Variants in TOP2A observed in about 807,000 individuals in gnomAD.
The protein encoded by TOP2A is DNA topoisomerase II alpha, also known as DNA topoisomerase 2-alpha.
TOP2A carries 68 observed loss-of-function variants against 187.2 expected under a neutral mutation model. That is an observed-to-expected ratio of 0.36 (90% CI 0.30 to 0.44). The LOEUF (loss-of-function observed/expected upper bound fraction) is 0.44, where lower values mean the gene tolerates loss of function less well. Ranked by LOEUF, TOP2A falls within the 20% of genes least tolerant of loss-of-function variation. The pLI is 1.00. For missense variants in TOP2A, 1,196 were observed against 1,808.7 expected (o/e 0.66, Z 6.14); for synonymous variants, 542 against 593.2 (o/e 0.91, Z 1.25).
chr17:40,396,565 A>G, intron 27 of TOP2A, 100 bp from the exon 28 acceptor site: 1 of 1,424,298 alleles, frequency 7.0e-7, no homozygotes, highest in South Asian at 1.4e-5. Context: ...TTACATCTTA[A>G]AAACTAGTGA....
At chr17:40,400,685 C>A (rs2143648460) in intron 21 of TOP2A, 22 bp from the exon 22 acceptor site, 2 of 1,583,262 alleles carry the variant, frequency 1.3e-6, no homozygotes, top group Non-Finnish European at 8.6e-7. Context: ...TTTAAAAAAA[C>A]AGTATGTTTT....
chr17:40,414,456 C>G (rs2035365181), intron 4 of TOP2A, among the ~76,000 whole-genome samples: 1 of 152,178 alleles, frequency 6.6e-6, no homozygotes, highest in South Asian at 2.1e-4. Context: ...CCCACCTTGG[C>G]CTCCCAAAGT....
chr17:40,413,655 T>C, intron 4 of TOP2A, 30 bp from the exon 5 acceptor site: 1 of 1,081,794 alleles, frequency 9.2e-7, no homozygotes, highest in Non-Finnish European at 1.3e-6. Flanking sequence ...AATTGTATTT[T>C]ACAACACATT....
chr17:40,395,712 A>G (rs2035087883), intron 28 of TOP2A, among the ~76,000 whole-genome samples, 173 bp from the exon 29 acceptor site: 1 of 152,098 alleles, frequency 6.6e-6, no homozygotes, highest in Non-Finnish European at 1.5e-5. Context: ...CCTGGCCAAG[A>G]TGGTGAAACC....
In TOP2A at chr17:40,391,545, G is replaced by C. The variant is rs1221384744; in HGVS notation, c.4228C>G (p.Pro1410Ala). Residue 1410 changes from proline to alanine, a missense_variant, in exon 33 of 35, where the codon CCT (proline) becomes GCT (alanine). Physicochemically the swap from Pro to Ala is conservative, Grantham distance 27. This residue lies in a region of TOP2A where 374 missense variants were observed against 403.3 expected (regional missense o/e 0.93). Transcript: ENST00000423485. Reference sequence around the variant, plus strand: ...TTCTTCACTGTCACATTCTTTTTAGGAACTGGGTTTGTAATTTCAGTTTCA... The same window carrying C: ...TTCTTCACTGTCACATTCTTTTTAGCAACTGGGTTTGTAATTTCAGTTTCA... ...PDETEITNPV[P>A]KKNVTVKKTA... The C allele has an allele frequency of 1.2e-6, 2 of 1,613,256 alleles. No homozygotes were observed. Among genetic ancestry groups the C allele is most frequent in the South Asian group, 2.2e-5 (2 of 90,868 alleles).
At chr17:40,414,087 G>A (rs191157937) in intron 4 of TOP2A, among the ~76,000 whole-genome samples, 2 of 152,224 alleles carry the variant, frequency 1.3e-5, no homozygotes, top group Admixed American at 1.3e-4. Flanking sequence ...CACCTGAATA[G>A]ACACTGATAA....
rs80089498 is a variant in TOP2A, at chr17:40,399,020, A to G, written c.3288+20T>C. The G allele has an allele frequency of 6.3e-7, 1 of 1,592,106 alleles. No homozygotes were observed. The highest frequency in any genetic ancestry group is 8.6e-7 in the Non-Finnish European group (1 of 1,167,408). On this transcript the variant is annotated intron_variant, in intron 25 of 34. Transcript: ENST00000423485. The stretch of plus-strand genomic sequence containing the variant: ...AATACATAGTCTTTAACAATATAGA[A>G]AAGTGCCACCCAAGATTACCTTTTG...
chr17:40,406,062 G>A (rs1482819381), intron 16 of TOP2A, among the ~76,000 whole-genome samples: 3 of 152,022 alleles, frequency 2.0e-5, no homozygotes, highest in Admixed American at 6.6e-5. Context: ...CACTACGCTC[G>A]GCCAATTTTC....
intron 32 of TOP2A, 160 bp from the exon 33 acceptor site, chr17:40,391,800 T>G: frequency 2.1e-6 from 2 of 940,328 alleles, no homozygotes; most frequent in Non-Finnish European, 3.0e-6. Context: ...ATTTCTGAAT[T>G]TTTTATCAGC....
chr17:40,417,773 G>T lies in TOP2A; in HGVS notation c.19C>A (p.Gln7Lys). The change falls in exon 1 of 35, where the codon CAG becomes AAG. Residue 7 changes from glutamine to lysine, a missense_variant and splice_region_variant. Physicochemically the swap from Gln to Lys is moderately conservative, Grantham distance 53. Transcript: ENST00000423485. MEVSPL[Q>K]PVNENMQVNK... ...CCAGTCCCCCCCGCGAGCCGTACCTGCAATGGTGACACTTCCATGGTGACG... is the reference window on the plus strand; with the variant it reads ...CCAGTCCCCCCCGCGAGCCGTACCTTCAATGGTGACACTTCCATGGTGACG... 1 of 1,613,458 alleles carries T rather than the reference G, an allele frequency of 6.2e-7. No individual in the cohort carries two copies. Among genetic ancestry groups the T allele is most frequent in the Non-Finnish European group, 8.5e-7 (1 of 1,179,878 alleles).
chr17:40,399,672 C>G (rs2035151955), intron 24 of TOP2A, among the ~76,000 whole-genome samples, 200 bp downstream of exon 24: 1 of 152,144 alleles, frequency 6.6e-6, no homozygotes, highest in South Asian at 2.1e-4. Flanking sequence ...CTTGATTTCT[C>G]AAGATGCTCA....
At chr17:40,415,881 G>A in intron 4 of TOP2A, 124 bp downstream of exon 4, 2 of 653,302 alleles carry the variant, frequency 3.1e-6, no homozygotes, top group Non-Finnish European at 5.4e-6. Flanking sequence ...TTTCATTTTA[G>A]CATTCTGCTT....
At chr17:40,415,419 T>A (rs1376806459) in intron 4 of TOP2A, among the ~76,000 whole-genome samples, 1 of 152,156 alleles carries the variant, frequency 6.6e-6, no homozygotes, top group Admixed American at 6.5e-5. Flanking sequence ...TACTTTGTCA[T>A]AATCAATCAG....
chr17:40,392,467 G>A, intron 30 of TOP2A, 118 bp downstream of exon 30: 2 of 1,472,538 alleles, frequency 1.4e-6, no homozygotes, highest in Non-Finnish European at 1.8e-6. Context: ...GTGTTTCAAA[G>A]CTTTAACATA....
At chr17:40,404,515 T>A (rs775029032) in intron 17 of TOP2A, 24 bp from the exon 18 acceptor site, 2 of 1,357,372 alleles carry the variant, frequency 1.5e-6, no homozygotes, top group South Asian at 1.2e-5. Flanking sequence ...TAGTATTACA[T>A]GAGTCTACCG....
Position 40,399,028 on chromosome 17 carries a change from A to T in TOP2A, c.3288+12T>A, listed in dbSNP as rs745533808. On this transcript the variant is annotated intron_variant, in intron 25 of 34. Transcript: ENST00000423485. ...GTCTTTAACAATATAGAAAAGTGCC[A>T]CCCAAGATTACCTTTTGCTGGGCTT... 4.4e-6 allele frequency: 7 copies of T among 1,591,112 alleles called. No individual in the cohort carries two copies. In the Admixed American group the frequency reaches 1.1e-4, roughly 24 times the overall value.
chr17:40,399,133 T>C lies in TOP2A; in HGVS notation c.3197-2A>G. The stretch of plus-strand genomic sequence containing the variant: ...TTAATTCTTTCTTAGGCTTATTTTC[T>C]ATTTTTAAAAAAGTAAACAGAGATA... On this transcript the variant is annotated splice_acceptor_variant, in intron 24 of 34. Coordinates refer to ENST00000423485, the MANE Select transcript of TOP2A (RefSeq NM_001067.4). LOFTEE classifies it high-confidence loss of function. The C allele has an allele frequency of 6.5e-7, 1 of 1,532,586 alleles. No homozygotes were observed. Among genetic ancestry groups the C allele is most frequent in the Non-Finnish European group, 8.9e-7 (1 of 1,129,700 alleles). The allele number at this position is 1,532,586 out of a possible 1,614,324, so 94.9% of individuals were successfully genotyped here.
intron 10 of TOP2A, chr17:40,408,996 A>C (rs2035282500): frequency 2.5e-6 from 1 of 404,300 alleles, no homozygotes; most frequent in African/African-American, 2.1e-5. Context: ...GGAGTTTGAG[A>C]CCGGCCTGGC....
In TOP2A at chr17:40,413,490, C is replaced by T. The variant is rs1460053469; in HGVS notation, c.468G>A (p.Lys156=). 2.6e-6 allele frequency: 4 copies of T among 1,530,044 alleles called. No homozygotes were observed. Among genetic ancestry groups the T allele is most frequent in the South Asian group, 1.3e-5 (1 of 78,326 alleles). 94.8% of individuals were successfully genotyped at this position (1,530,044 alleles called of 1,614,324 possible). The part of the protein sequence containing the change: ...LTSSNYDDDE[K]KVTGGRNGYG... The stretch of plus-strand genomic sequence containing the variant: ...CCCTCAATACTCTACCTGTCACTTT[C>T]TTTTCATCATCATCATAGTTACTAG... The change falls in exon 5 of 35, where the codon AAG becomes AAA. Residue 156 remains lysine (K), a synonymous_variant. Coordinates refer to ENST00000423485, the MANE Select transcript of TOP2A (RefSeq NM_001067.4).
Sources: allele counts gnomAD v4.1 joint callset (sites outside exome capture counted in the v4.1 genomes callset), GRCh38; gene constraint gnomAD v4.1.1; regional missense constraint gnomAD v4.1.1; transcripts MANE v1.5; gene names NCBI Gene and HGNC (gene_info 2026-07-23, HGNC 2026-07-21).